CFLAR: variants seen among roughly 807,000 people sequenced by gnomAD.
CFLAR encodes the protein CASP8 and FADD like apoptosis regulator.
In CFLAR, 14 loss-of-function variants were observed where a neutral mutation model predicts 51.1. The observed-to-expected ratio is 0.27, with a 90% CI of 0.18 to 0.43. CFLAR has a LOEUF of 0.43. CFLAR is among the 20% of genes least tolerant of loss of function. The pLI is 1.00. For missense variants in CFLAR, 390 were observed against 566.5 expected, an observed-to-expected ratio of 0.69 and a Z score of 3.16; for synonymous variants, 210 against 211.6, an observed-to-expected ratio of 0.99 and a Z score of 0.06.
intron 8 of CFLAR, chr2:201,151,380 C>T (rs1941256061): frequency 6.6e-6 from 1 of 152,158 alleles, no homozygotes; most frequent in Non-Finnish European, 1.5e-5. Flanking sequence ...TCAACATTCT[C>T]TTAAAATGAG....
At chr2:201,122,262 T>C (rs1575594306) in intron 1 of CFLAR, among the ~76,000 whole-genome samples, 1 of 152,228 alleles carries the variant, frequency 6.6e-6, no homozygotes, top group African/African-American at 2.4e-5. Context: ...AAATTTTGCA[T>C]GGGGGCTTAC....
chr2:201,152,747 A>G (rs1941489247), intron 8 of CFLAR: 1 of 152,292 alleles, frequency 6.6e-6, no homozygotes, highest in Non-Finnish European at 1.5e-5. Flanking sequence ...AGCTGAGCAC[A>G]GCACTCCTAC....
chr2:201,127,979 T>C (rs2048869398), intron 1 of CFLAR, among the ~76,000 whole-genome samples: 1 of 152,190 alleles, frequency 6.6e-6, no homozygotes, highest in South Asian at 2.1e-4. Context: ...TTGATACTTA[T>C]GAATTACAAA....
At position 201,145,433 on chromosome 2, in the gene CFLAR, G is replaced by A; in HGVS notation, c.661+1G>A. On this transcript the variant is annotated splice_donor_variant, in intron 6 of 9. Transcript: ENST00000309955. LOFTEE classifies it high-confidence loss of function. ...CTTAAGGAACAGCTTGGCGCTCAAC[G>A]TAAGACCACCTTTTTTTAATATTCA... is the stretch of plus-strand genomic sequence containing the variant. The A allele has an allele frequency of 6.3e-7, 1 of 1,585,132 alleles. No individual in the cohort carries two copies. The highest frequency in any genetic ancestry group is 8.7e-7 in the Non-Finnish European group (1 of 1,155,754).
intron 1 of CFLAR, among the ~76,000 whole-genome samples, chr2:201,126,177 T>C (rs908400075): frequency 9.9e-5 from 15 of 151,742 alleles, no homozygotes; most frequent in Admixed American, 7.2e-4. Flanking sequence ...CTTTTATACT[T>C]TGGTTTAGAA....
rs1204854645 is a variant in CFLAR, at chr2:201,174,303, G to C, written c.*10330G>C. On this transcript the variant is annotated 3_prime_UTR_variant, in exon 10 of 10. Transcript: ENST00000309955. ...TTTTTGTGTATGCAGTGCGAGATAAGCATCCAGCCTCATTCTTTTGCACAT... is the reference window on the plus strand; with the variant it reads ...TTTTTGTGTATGCAGTGCGAGATAACCATCCAGCCTCATTCTTTTGCACAT... 6.6e-6 allele frequency: 1 copy of C among 152,162 alleles called. No individual in the cohort carries two copies. The highest frequency in any genetic ancestry group is 6.5e-5 in the Admixed American group (1 of 15,270). The allele number at this position is 152,162 out of a possible 1,614,324, so 9.4% of individuals were successfully genotyped here. A position where few individuals can be genotyped will look rare whatever the true frequency, so the allele number is the denominator to read the frequency against.
rs565092809 is a variant in CFLAR, at chr2:201,138,104, C to T, written c.523+1997C>T. On this transcript the variant is annotated intron_variant, in intron 4 of 9. Transcript: ENST00000309955. This position sits in a 1 kb window ranked among gnomAD's most constrained non-coding sequence, Gnocchi z 4.0. ...CGCGCAGTCCATGCCCCTGCCCAGC[C>T]CATCCACACCAGCGTCAATCAGGTT... 2 of 754,920 alleles carry T rather than the reference C, an allele frequency of 2.6e-6. No individual in the cohort carries two copies. The highest frequency in any genetic ancestry group is 3.5e-5 in the Admixed American group (2 of 57,368). 46.8% of individuals were successfully genotyped at this position (754,920 alleles called of 1,614,324 possible). A position where few individuals can be genotyped will look rare whatever the true frequency, so the allele number is the denominator to read the frequency against.
chr2:201,130,231 A>G, intron 2 of CFLAR, 85 bp downstream of exon 2: 1 of 1,301,020 alleles, frequency 7.7e-7, no homozygotes, highest in Non-Finnish European at 1.0e-6. Context: ...AACGAGGATA[A>G]TAAGAAGTGC....
chr2:201,129,584 T>C, intron 1 of CFLAR, 145 bp from the exon 2 acceptor site: 1 of 432,688 alleles, frequency 2.3e-6, no homozygotes, highest in Non-Finnish European at 4.1e-6. Context: ...AAGGATCCCT[T>C]TCTTTAGACT....
chr2:201,150,064 G>A lies in CFLAR; in HGVS notation c.793+229G>A, dbSNP rs1046454017. Reference sequence around the variant, plus strand: ...AATTAGCTGGTGTGGGCTCGGGCACGGTGGCTTACACCTGTAATCCCAGCA... The same window carrying A: ...AATTAGCTGGTGTGGGCTCGGGCACAGTGGCTTACACCTGTAATCCCAGCA... On this transcript the variant is annotated intron_variant, in intron 8 of 9. Transcript: ENST00000309955. The A allele has an allele frequency of 1.2e-4, 37 of 308,780 alleles. 1 individual carries two copies. The highest frequency in any genetic ancestry group is 6.1e-4 in the African/African-American group (28 of 45,652). 19.1% of individuals were successfully genotyped at this position (308,780 alleles called of 1,614,324 possible).
intron 4 of CFLAR, chr2:201,136,986 TG>T: frequency 5.3e-6 from 1 of 190,108 alleles, no homozygotes; most frequent in Non-Finnish European, 1.1e-5. Context: ...GGCCAGGGAC[TG>T]GGGAGTGGCC....
chr2:201,135,635 A>C (rs1467861256), intron 3 of CFLAR, among the ~76,000 whole-genome samples: 1 of 145,766 alleles, frequency 6.9e-6, no homozygotes. Context: ...AGTCAGCTCT[A>C]TTTTTTTTTT....
chr2:201,162,704 G>A (rs1397177194), intron 9 of CFLAR: 1 of 263,508 alleles, frequency 3.8e-6, no homozygotes, highest in Non-Finnish European at 7.7e-6. Flanking sequence ...ACAGGGAGAG[G>A]ACAAGGACAG....
chr2:201,161,102 G>C (rs1575953424), intron 9 of CFLAR, among the ~76,000 whole-genome samples, 160 bp downstream of exon 9: 1 of 152,166 alleles, frequency 6.6e-6, no homozygotes, highest in African/African-American at 2.4e-5. Flanking sequence ...GTATAGACCC[G>C]GCATGATTTA....
intron 4 of CFLAR, 171 bp downstream of exon 4, chr2:201,136,278 C>G: frequency 6.2e-7 from 1 of 1,600,116 alleles, no homozygotes; most frequent in Non-Finnish European, 8.5e-7. Flanking sequence ...TCTTCATATC[C>G]CAGATCTGCC....
intron 9 of CFLAR, chr2:201,163,324 G>A: frequency 8.2e-7 from 1 of 1,215,906 alleles, no homozygotes; most frequent in Non-Finnish European, 1.0e-6. Context: ...TGTACCTCAA[G>A]TATAAGATTA....
chr2:201,141,334 C>T, intron 5 of CFLAR: 1 of 1,545,312 alleles, frequency 6.5e-7, no homozygotes, highest in Non-Finnish European at 8.7e-7. Context: ...CAGAGATAGT[C>T]TACACATATA....
At chr2:201,117,252 C>T (rs1375166462) in intron 1 of CFLAR, 1 of 152,160 alleles carries the variant, frequency 6.6e-6, no homozygotes, top group South Asian at 2.1e-4. Context: ...TTTTTAGAGC[C>T]TTTTAAAATG....
intron 8 of CFLAR, among the ~76,000 whole-genome samples, chr2:201,154,957 T>C (rs573644252): frequency 6.7e-4 from 102 of 152,388 alleles, no homozygotes; most frequent in Non-Finnish European, 1.3e-3. Context: ...AGAATTCTTA[T>C]GGAGTTCAGT....
Sources: gnomAD v4.1 joint callset for allele counts (sites outside exome capture counted in the v4.1 genomes callset) on GRCh38, gnomAD v4.1.1 for gene constraint, Gnocchi (gnomAD v3.1) non-coding constraint, MANE v1.5 for transcripts, NCBI Gene and HGNC (gene_info 2026-07-23, HGNC 2026-07-21) for gene names.